The following TTC23L variants were observed in gnomAD, a reference collection of about 807,000 sequenced individuals.
TTC23L encodes the protein tetratricopeptide repeat domain 23 like.
Under a neutral mutation model 48.1 loss-of-function variants are expected in TTC23L, and 42 were observed. The observed-to-expected ratio is 0.87, with a 90% CI of 0.68 to 1.13. The LOEUF (loss-of-function observed/expected upper bound fraction) is 1.13, where lower values mean the gene tolerates loss of function less well. Among genes scored for constraint, TTC23L ranks in the 50% most tolerant of loss-of-function variants. The pLI is 0.00. For missense variants in TTC23L, 391 were observed against 421.0 expected, an observed-to-expected ratio of 0.93 and a Z score of 0.62; for synonymous variants, 159 against 157.2, an observed-to-expected ratio of 1.01 and a Z score of -0.09.
At chr5:34,906,438 A>G in the TTC23L span, 7,971 of 152,164 alleles carry the variant, frequency 0.052, 303 homozygotes, top group South Asian at 0.11. Context: ...CAGGAGTTCA[A>G]GATTAGCCTA....
chr5:34,911,696 T>A, the TTC23L span: 4 of 1,614,118 alleles, frequency 2.5e-6, no homozygotes, highest in Non-Finnish European at 3.4e-6. Context: ...AAGTCCAGGG[T>A]CTCCTCAGGT....
chr5:34,925,186 T>G, the TTC23L span: 1 of 1,517,090 alleles, frequency 6.6e-7, no homozygotes, highest in Non-Finnish European at 8.8e-7. Flanking sequence ...AATGTTTATT[T>G]TTATTTCAAA....
chr5:34,894,883 AATGATGATG>A (rs79554898), intron 9 of TTC23L, among the ~76,000 whole-genome samples: 97 of 150,936 alleles, frequency 6.4e-4, no homozygotes, highest in African/African-American at 2.1e-3. Flanking sequence ...TGAGAGTGTT[AATGATGATG>A]ATGATGATGA....
the TTC23L span, chr5:34,908,712 T>G: frequency 6.9e-7 from 1 of 1,453,656 alleles, no homozygotes; most frequent in Non-Finnish European, 9.4e-7. Flanking sequence ...GTACTCAGAA[T>G]AAGAACTTCA....
At chr5:34,923,430 A>G in the TTC23L span, 1 of 575,178 alleles carries the variant, frequency 1.7e-6, no homozygotes, top group Non-Finnish European at 3.1e-6. Context: ...AGCACCCATC[A>G]TCACGCCTGG....
At position 34,848,847 on chromosome 5, in the gene TTC23L, G is replaced by A. The variant is rs1259907510; in HGVS notation, c.256-1338G>A. On this transcript the variant is annotated intron_variant, in intron 3 of 10. Coordinates refer to ENST00000505624, the Ensembl canonical transcript of TTC23L. ...GATTATGCAGAGCCTTGGAAGCCAT[G>A]GTGAGGACTTTGAATTATATTAAGA... is the stretch of plus-strand genomic sequence containing the variant. Among the ~76,000 whole-genome samples the A allele has an allele frequency of 2.0e-5, 3 of 152,288 alleles. No individual in the cohort carries two copies. The East Asian group carries it at 5.8e-4, about 29-fold the overall frequency.
chr5:34,886,785 G>T lies in TTC23L; in HGVS notation c.1077+6477G>T, dbSNP rs149552793. The stretch of plus-strand genomic sequence containing the variant: ...TTAGTTGAGTCCCTATCTGGACAAG[G>T]GTCTTAAAAGAGTAACACCCTAATC... On this transcript the variant is annotated intron_variant, in intron 9 of 10. Transcript: ENST00000505624. Among the ~76,000 whole-genome samples the T allele has an allele frequency of 5.8e-3, 884 of 152,270 alleles. 8 individuals carry two copies. Among genetic ancestry groups the T allele is most frequent in the African/African-American group, 0.02 (841 of 41,550 alleles).
intron 9 of TTC23L, among the ~76,000 whole-genome samples, chr5:34,881,046 G>A (rs1374715276): frequency 6.6e-6 from 1 of 152,106 alleles, no homozygotes; most frequent in Non-Finnish European, 1.5e-5. Context: ...AGCCTGTCTT[G>A]TTTGGAGAAA....
At chr5:34,925,641 T>C in the TTC23L span, 1 of 628,072 alleles carries the variant, frequency 1.6e-6, no homozygotes, top group South Asian at 3.3e-5. Context: ...AATCAGTGAT[T>C]ATCTTTTTCT....
intron 9 of TTC23L, among the ~76,000 whole-genome samples, chr5:34,891,531 A>T (rs1021745424): frequency 6.6e-6 from 1 of 152,224 alleles, no homozygotes; most frequent in Non-Finnish European, 1.5e-5. Flanking sequence ...AACAGTTCAG[A>T]ATATTTGAAA....
the TTC23L span, among the ~76,000 whole-genome samples, chr5:34,919,496 GAT>G: frequency 2.0e-5 from 3 of 152,116 alleles, no homozygotes; most frequent in Non-Finnish European, 4.4e-5. Context: ...AAAAGTGAAA[GAT>G]ATTTTCATTG....
chr5:34,886,435 C>G (rs540122817), intron 9 of TTC23L, among the ~76,000 whole-genome samples: 1 of 151,194 alleles, frequency 6.6e-6, no homozygotes, highest in Admixed American at 6.6e-5. Flanking sequence ...ATTAAAGTCC[C>G]AGGTATTCAG....
chr5:34,882,525 G>C (rs561354084), intron 9 of TTC23L, among the ~76,000 whole-genome samples: 6 of 151,818 alleles, frequency 4.0e-5, no homozygotes, highest in East Asian at 1.9e-4. Flanking sequence ...AAAGTAGCTC[G>C]TTCTCCTGCC....
the TTC23L span, chr5:34,915,825 A>G: frequency 3.8e-6 from 6 of 1,574,712 alleles, no homozygotes; most frequent in Non-Finnish European, 5.2e-6. Flanking sequence ...CGGAGCCGCC[A>G]GCTAAGCGGC....
chr5:34,842,348 ATT>A (rs34916959), intron 2 of TTC23L, among the ~76,000 whole-genome samples: 28 of 148,060 alleles, frequency 1.9e-4, no homozygotes, highest in Non-Finnish European at 2.7e-4. Context: ...GTTGGATAGC[ATT>A]TTTTTTTTTT....
the TTC23L span, among the ~76,000 whole-genome samples, chr5:34,910,425 T>C: frequency 6.6e-6 from 1 of 150,550 alleles, no homozygotes; most frequent in Non-Finnish European, 1.5e-5. Context: ...GTGATTCTTT[T>C]TCTTTTCTTT....
downstream of TTC23L, among the ~76,000 whole-genome samples, chr5:34,902,152 G>A (rs1972648): frequency 0.054 from 8,187 of 152,154 alleles, 309 homozygotes; most frequent in South Asian, 0.11. Context: ...GGCCGGGCGC[G>A]GTGGCTTAAG....
At chr5:34,918,153 A>C in the TTC23L span, 3 of 337,360 alleles carry the variant, frequency 8.9e-6, no homozygotes, top group African/African-American at 2.1e-5. Flanking sequence ...AAAAAAAAAA[A>C]AAAAAAACTA....
At chr5:34,843,259 T>C (rs1343558982) in intron 2 of TTC23L, among the ~76,000 whole-genome samples, 2 of 152,234 alleles carry the variant, frequency 1.3e-5, no homozygotes, top group Non-Finnish European at 2.9e-5. Context: ...AGAATTCCTA[T>C]TCATGATGGT....
Sources: allele counts gnomAD v4.1 joint callset (sites outside exome capture counted in the v4.1 genomes callset), GRCh38; gene constraint gnomAD v4.1.1; transcripts MANE v1.5; gene names NCBI Gene and HGNC (gene_info 2026-07-23, HGNC 2026-07-21).